The following PAN3 variants were observed in gnomAD, a reference collection of about 807,000 sequenced individuals.
PAN3 encodes poly(A) specific ribonuclease subunit PAN3.
In PAN3, 19 loss-of-function variants were observed where a neutral mutation model predicts 96.2. That is an observed-to-expected ratio of 0.20 (90% CI 0.14 to 0.29). The LOEUF is 0.29. Among genes scored for constraint, PAN3 ranks in the 10% least tolerant of loss-of-function variants. The probability of loss-of-function intolerance (pLI) is 1.00; values close to 1 mark genes in which losing one functional copy is unlikely to be tolerated. For missense variants in PAN3, 882 were observed against 1,108.1 expected (o/e 0.80, Z 2.90); for synonymous variants, 433 against 406.6 (o/e 1.06, Z -0.78).
chr13:28,194,466 A>ATATATATATTTTTTTT (rs1429166016), intron 4 of PAN3, among the ~76,000 whole-genome samples: 1 of 122,132 alleles, frequency 8.2e-6, no homozygotes, highest in African/African-American at 3.6e-5. Context: ...ATATATATAT[A>ATATATATATTTTTTTT]TTTTTTTTTT....
At chr13:28,220,627 ATGGT>A (rs934840802) in intron 6 of PAN3, among the ~76,000 whole-genome samples, 4 of 152,182 alleles carry the variant, frequency 2.6e-5, no homozygotes, top group African/African-American at 9.6e-5. Flanking sequence ...TAAAGGGGAA[ATGGT>A]TATTTAGGAA....
intron 6 of PAN3, among the ~76,000 whole-genome samples, chr13:28,231,123 A>G (rs1314926044): frequency 1.3e-5 from 2 of 152,330 alleles, no homozygotes; most frequent in East Asian, 1.9e-4. Context: ...AGTGGGTAAG[A>G]TTCCTACTAG....
chr13:28,274,490 T>C (rs1455204745), intron 14 of PAN3, among the ~76,000 whole-genome samples: 2 of 151,058 alleles, frequency 1.3e-5, no homozygotes, highest in African/African-American at 4.9e-5. Context: ...AACCCGTGTC[T>C]GCATTAAAAA....
intron 7 of PAN3, among the ~76,000 whole-genome samples, chr13:28,258,154 G>GA (rs1388151131): frequency 6.6e-6 from 1 of 151,834 alleles, no homozygotes; most frequent in Non-Finnish European, 1.5e-5. Context: ...ACCAACACAA[G>GA]AAAAAAGAGA....
intron 1 of PAN3, among the ~76,000 whole-genome samples, chr13:28,155,080 T>C (rs1348563616): frequency 6.6e-6 from 1 of 151,264 alleles, no homozygotes; most frequent in African/African-American, 2.4e-5. Context: ...CCTCCCAAAG[T>C]GCTGGGACTA....
At chr13:28,238,224 T>C (rs1883278736) in intron 6 of PAN3, among the ~76,000 whole-genome samples, 1 of 152,226 alleles carries the variant, frequency 6.6e-6, no homozygotes, top group African/African-American at 2.4e-5. Context: ...AGATTCCTCA[T>C]TTGAACCAAA....
chr13:28,202,018 T>C (rs898075123), intron 5 of PAN3, among the ~76,000 whole-genome samples: 2 of 152,188 alleles, frequency 1.3e-5, no homozygotes, highest in Non-Finnish European at 2.9e-5. Context: ...AGACTAAATA[T>C]TCCTTCCTTG....
intron 1 of PAN3, among the ~76,000 whole-genome samples, chr13:28,154,014 A>AATT (rs1287492218): frequency 1.3e-5 from 2 of 152,230 alleles, no homozygotes; most frequent in Non-Finnish European, 2.9e-5. Context: ...AGAAAATAGT[A>AATT]ATTATCTTGG....
At chr13:28,208,274 C>T (rs1026483598) in intron 5 of PAN3, among the ~76,000 whole-genome samples, 1 of 152,088 alleles carries the variant, frequency 6.6e-6, no homozygotes, top group Admixed American at 6.6e-5. Flanking sequence ...TAGCAATAAT[C>T]GTAGCTGTGT....
intron 1 of PAN3, among the ~76,000 whole-genome samples, chr13:28,139,745 A>T (rs1470281248): frequency 6.6e-6 from 1 of 152,056 alleles, no homozygotes; most frequent in African/African-American, 2.4e-5. Context: ...TTTCACAAAG[A>T]CGCATTTCAT....
chr13:28,264,328 C>G (rs1331972368), intron 9 of PAN3, among the ~76,000 whole-genome samples: 1 of 152,166 alleles, frequency 6.6e-6, no homozygotes, highest in African/African-American at 2.4e-5. Flanking sequence ...CACTTGAGGT[C>G]AGAAGTTTGA....
chr13:28,145,153 A>C (rs543188339), intron 1 of PAN3, among the ~76,000 whole-genome samples: 13 of 152,200 alleles, frequency 8.5e-5, no homozygotes, highest in Non-Finnish European at 1.6e-4. Context: ...TTCTTTTATA[A>C]AGGATAGTAA....
chr13:28,250,201 C>CTTTT (rs532825277), intron 6 of PAN3, among the ~76,000 whole-genome samples: 3 of 143,002 alleles, frequency 2.1e-5, no homozygotes, highest in African/African-American at 7.7e-5. Context: ...GCTCAGAACT[C>CTTTT]TTTTTTTTTT....
chr13:28,197,184 G>A lies in PAN3; in HGVS notation c.691-1G>A. ...CTGGTTTCTTTCCTTCTTTTTCCTA[G>A]CCAAGGAAGTATCGCCTGGGGATGC... On this transcript the variant is annotated splice_acceptor_variant, in intron 4 of 18. Coordinates refer to ENST00000380958, the MANE Select transcript of PAN3 (RefSeq NM_175854.8). LOFTEE classifies it high-confidence loss of function. 6.2e-7 allele frequency: 1 copy of A among 1,611,102 alleles called. No individual in the cohort carries two copies. The highest frequency in any genetic ancestry group is 8.5e-7 in the Non-Finnish European group (1 of 1,178,762).
intron 7 of PAN3, among the ~76,000 whole-genome samples, 181 bp from the exon 8 acceptor site, chr13:28,260,266 G>A (rs1885584613): frequency 6.6e-6 from 1 of 151,844 alleles, no homozygotes; most frequent in Non-Finnish European, 1.5e-5. Flanking sequence ...CATGATGGTG[G>A]GTACCTGTAA....
chr13:28,216,994 A>G (rs1191954509), intron 5 of PAN3, among the ~76,000 whole-genome samples: 3 of 151,684 alleles, frequency 2.0e-5, no homozygotes, highest in Non-Finnish European at 4.4e-5. Context: ...GGCGCCTGTA[A>G]TCCCAGCTAC....
chr13:28,219,325 T>C (rs1881135776), intron 5 of PAN3, among the ~76,000 whole-genome samples: 1 of 152,162 alleles, frequency 6.6e-6, no homozygotes, highest in South Asian at 2.1e-4. Context: ...ACTTTTTATT[T>C]AACTTTAGCT....
At chr13:28,147,270 T>C (rs1328749238) in intron 1 of PAN3, among the ~76,000 whole-genome samples, 1 of 152,236 alleles carries the variant, frequency 6.6e-6, no homozygotes, top group Non-Finnish European at 1.5e-5. Flanking sequence ...ACAATTCATT[T>C]ATCAGAATGT....
chr13:28,282,110 C>T (rs529726644), intron 17 of PAN3, among the ~76,000 whole-genome samples: 1 of 152,302 alleles, frequency 6.6e-6, no homozygotes, highest in African/African-American at 2.4e-5. Flanking sequence ...ATATAAGTGA[C>T]ATTGGAAAGG....
Sources: allele counts gnomAD v4.1 joint callset (sites outside exome capture counted in the v4.1 genomes callset), GRCh38; gene constraint gnomAD v4.1.1; transcripts MANE v1.5; gene names NCBI Gene and HGNC (gene_info 2026-07-23, HGNC 2026-07-21).